Variants in NRG2 observed in about 807,000 individuals in gnomAD.
The protein encoded by NRG2 is neuregulin 2.
A neutral mutation model predicts 73.9 loss-of-function variants in NRG2; 27 were observed. The observed-to-expected ratio is 0.37, with a 90% CI of 0.27 to 0.50. NRG2 has a LOEUF of 0.50. NRG2 is among the 20% of genes least tolerant of loss of function. NRG2 has a pLI of 0.96. For synonymous variants in NRG2, 532 were observed against 541.0 expected (o/e 0.98, Z 0.23); for missense variants, 1,126 against 1,210.1 (o/e 0.93, Z 1.03).
At chr5:139,948,950 G>A (rs1006108468) in intron 1 of NRG2, among the ~76,000 whole-genome samples, 24 of 151,986 alleles carry the variant, frequency 1.6e-4, no homozygotes, top group African/African-American at 4.8e-4. Flanking sequence ...GCAGCCACAG[G>A]CAGCCATGTT....
intron 1 of NRG2, among the ~76,000 whole-genome samples, chr5:139,925,840 C>T (rs1299751781): frequency 2.0e-5 from 3 of 152,178 alleles, no homozygotes; most frequent in African/African-American, 7.2e-5. Flanking sequence ...TCCTCCTTCA[C>T]CTGCCTGGCC....
rs1204468504 is a variant in NRG2, at chr5:139,936,537, G to A, written c.701-49026C>T. ...GAACCCTTCTCACAGTCAAAACTCC[G>A]GGCCCAGAAGGCTTCATGGTGAATT... is the stretch of plus-strand genomic sequence containing the variant. On this transcript the variant is annotated intron_variant, in intron 1 of 9. Transcript: ENST00000361474. Among the ~76,000 whole-genome samples the A allele has an allele frequency of 3.3e-5, 5 of 152,020 alleles. No homozygotes were observed. In the East Asian group the frequency reaches 7.7e-4, roughly 23 times the overall value.
intron 1 of NRG2, among the ~76,000 whole-genome samples, chr5:139,943,879 G>GCAAA (rs372609011): frequency 0.013 from 1,945 of 152,226 alleles, 29 homozygotes; most frequent in African/African-American, 0.044. Context: ...CACTGGCAAT[G>GCAAA]CAAACAAACA....
Position 139,851,722 on chromosome 5 carries a change from A to G in NRG2, c.1654T>C (p.Cys552Arg), listed in dbSNP as rs745863373. The G allele has an allele frequency of 1.9e-6, 3 of 1,614,232 alleles. No homozygotes were observed. The highest frequency in any genetic ancestry group is 1.3e-5 in the African/African-American group (1 of 75,072). The change falls in exon 9 of 10, where the codon TGT becomes CGT. Residue 552 changes from cysteine (C) to arginine (R), a missense_variant. Cys to Arg is a radical substitution (Grantham distance 180). This residue lies in a region of NRG2 where 539 missense variants were observed against 703.2 expected (regional missense o/e 0.77). Transcript: ENST00000361474. The surrounding 1 kb of genome is among the most constrained non-coding windows in gnomAD (Gnocchi z 4.2). ...VGTSKCNSPA[C>R]VEARARRAAA... ...GCCCGCCTTGCCCGGGCCTCCACAC[A>G]TGCTGGGCTGTTGCATTTGCTGGTA... is the stretch of plus-strand genomic sequence containing the variant.
chr5:139,963,125 A>C (rs1755209936), intron 1 of NRG2, among the ~76,000 whole-genome samples: 1 of 152,238 alleles, frequency 6.6e-6, no homozygotes, highest in South Asian at 2.1e-4. Flanking sequence ...TAGTGAATAA[A>C]TGAACAAAGA....
chr5:139,895,502 C>T (rs933137422), intron 1 of NRG2, among the ~76,000 whole-genome samples: 2 of 152,204 alleles, frequency 1.3e-5, no homozygotes, highest in African/African-American at 4.8e-5. Context: ...AGGCTGTAGA[C>T]ACCTAGGGCT....
chr5:139,857,312 C>T (rs550854472), intron 5 of NRG2, among the ~76,000 whole-genome samples: 1 of 152,184 alleles, frequency 6.6e-6, no homozygotes, highest in Non-Finnish European at 1.5e-5. Context: ...CTTTGTATAC[C>T]GTCTATTTGC....
Position 139,852,579 on chromosome 5 carries a change from G to A in NRG2, c.1417-20C>T. Reference sequence around the variant, plus strand: ...AATATACTGGAACAGACAGAGTTGGGCGAGAGTTAGTGACTGGGGCCCAAA... The same window carrying A: ...AATATACTGGAACAGACAGAGTTGGACGAGAGTTAGTGACTGGGGCCCAAA... On this transcript the variant is annotated intron_variant, in intron 7 of 9. Coordinates refer to ENST00000361474, the MANE Select transcript of NRG2 (RefSeq NM_004883.3). The surrounding 1 kb of genome is among the most constrained non-coding windows in gnomAD (Gnocchi z 4.4). 1 of 1,610,742 alleles carries A rather than the reference G, an allele frequency of 6.2e-7. No individual in the cohort carries two copies. Among genetic ancestry groups the A allele is most frequent in the East Asian group, 2.2e-5 (1 of 44,848 alleles).
chr5:139,872,883 TGCTCCCCTCA>T (rs1762952651), intron 3 of NRG2, among the ~76,000 whole-genome samples: 1 of 152,210 alleles, frequency 6.6e-6, no homozygotes, highest in Non-Finnish European at 1.5e-5. Context: ...AAGCAGGTCC[TGCTCCCCTCA>T]GCTCCCAGGG....
rs755067974 is a variant in NRG2, at chr5:139,852,456, G to A, written c.1520C>T (p.Thr507Ile). Reference sequence around the variant, plus strand: ...CCTGTGGCTGGAGGTGGGTGTGGCTGTGGAGCAGTGGTGAGAAGGAGAACA... The same window carrying A: ...CCTGTGGCTGGAGGTGGGTGTGGCTATGGAGCAGTGGTGAGAAGGAGAACA... ...HSCSPSHHCS[T>I]ATPTSSHRHE... Residue 507 changes from threonine (T) to isoleucine (I), a missense_variant, in exon 8 of 10, where the codon ACA becomes ATA. Thr to Ile is a moderately conservative substitution (Grantham distance 89). Transcript: ENST00000361474. The surrounding 1 kb of genome is among the most constrained non-coding windows in gnomAD (Gnocchi z 4.4). 6 of 1,613,936 alleles carry A rather than the reference G, an allele frequency of 3.7e-6. No individual in the cohort carries two copies. In the Admixed American group the frequency reaches 1.0e-4, roughly 27 times the overall value.
chr5:139,995,237 A>G (rs1387600218), intron 1 of NRG2, among the ~76,000 whole-genome samples: 1 of 152,212 alleles, frequency 6.6e-6, no homozygotes, highest in Non-Finnish European at 1.5e-5. Context: ...CAGGGAACAG[A>G]GACCCTGCCC....
At chr5:139,973,222 A>C (rs1405642180) in intron 1 of NRG2, among the ~76,000 whole-genome samples, 3 of 151,850 alleles carry the variant, frequency 2.0e-5, no homozygotes, top group Non-Finnish European at 4.4e-5. Flanking sequence ...AATTAAAAAT[A>C]AACTAAATTT....
intron 1 of NRG2, among the ~76,000 whole-genome samples, chr5:139,914,512 C>T (rs900924463): frequency 2.6e-5 from 4 of 152,128 alleles, no homozygotes; most frequent in African/African-American, 9.7e-5. Flanking sequence ...ACATGCACAC[C>T]CACCTCCAAG....
At chr5:139,899,556 T>G (rs1481151086) in intron 1 of NRG2, among the ~76,000 whole-genome samples, 1 of 152,238 alleles carries the variant, frequency 6.6e-6, no homozygotes, top group Non-Finnish European at 1.5e-5. Flanking sequence ...CAGGAGCTCC[T>G]GCCTATTTGT....
chr5:140,027,163 T>C (rs924645856), intron 1 of NRG2, among the ~76,000 whole-genome samples: 11 of 151,662 alleles, frequency 7.3e-5, no homozygotes, highest in Admixed American at 2.6e-4. Flanking sequence ...AAAAAAAAAA[T>C]TGTAGAGATG....
chr5:140,021,870 G>A (rs1448893417), intron 1 of NRG2, among the ~76,000 whole-genome samples: 1 of 152,182 alleles, frequency 6.6e-6, no homozygotes, highest in Non-Finnish European at 1.5e-5. Context: ...ATGCACAAAA[G>A]AAGGCTCCAT....
At chr5:139,989,936 C>A (rs1327091542) in intron 1 of NRG2, among the ~76,000 whole-genome samples, 4 of 150,116 alleles carry the variant, frequency 2.7e-5, no homozygotes, top group East Asian at 2.0e-4. Context: ...CTACAGGTGC[C>A]CACCACCACG....
At chr5:139,874,230 G>T (rs992051626) in intron 3 of NRG2, among the ~76,000 whole-genome samples, 1 of 152,198 alleles carries the variant, frequency 6.6e-6, no homozygotes, top group African/African-American at 2.4e-5. Flanking sequence ...CCCTGTCAGC[G>T]TATCCATATC....
At chr5:139,889,516 C>T (rs1394236619) in intron 1 of NRG2, among the ~76,000 whole-genome samples, 1 of 152,124 alleles carries the variant, frequency 6.6e-6, no homozygotes, top group Non-Finnish European at 1.5e-5. Context: ...ATATACAAAT[C>T]CCGCACCCCC....
Sources: gnomAD v4.1 joint callset for allele counts (sites outside exome capture counted in the v4.1 genomes callset) on GRCh38, gnomAD v4.1.1 for gene constraint, gnomAD v4.1.1 regional missense constraint, Gnocchi (gnomAD v3.1) non-coding constraint, MANE v1.5 for transcripts, NCBI Gene and HGNC (gene_info 2026-07-23, HGNC 2026-07-21) for gene names.